The following CRTAM variants were observed in gnomAD, a reference collection of about 807,000 sequenced individuals.
CRTAM encodes cytotoxic and regulatory T-cell molecule.
A neutral mutation model predicts 50.0 loss-of-function variants in CRTAM; 44 were observed. That is an observed-to-expected ratio of 0.88 (90% CI 0.69 to 1.13). CRTAM has a LOEUF of 1.13. Among genes scored for constraint, CRTAM ranks in the 50% most tolerant of loss-of-function variants. The probability of loss-of-function intolerance (pLI) is 0.00; values close to 1 mark genes in which losing one functional copy is unlikely to be tolerated. For missense variants in CRTAM, 448 were observed against 457.5 expected (o/e 0.98, Z 0.19); for synonymous variants, 159 against 169.3 (o/e 0.94, Z 0.47).
At chr11:122,850,283 T>A in intron 2 of CRTAM, 69 bp downstream of exon 2, 1 of 1,468,366 alleles carries the variant, frequency 6.8e-7, no homozygotes, top group Non-Finnish European at 9.2e-7. Flanking sequence ...CCGGACAGTT[T>A]GGTGGGACAG....
At chr11:122,843,734 C>G (rs1350760463) in intron 1 of CRTAM, among the ~76,000 whole-genome samples, 5 of 152,180 alleles carry the variant, frequency 3.3e-5, no homozygotes, top group Admixed American at 6.5e-5. Flanking sequence ...AAAAGAAGTT[C>G]TAATTTGGTT....
intron 5 of CRTAM, among the ~76,000 whole-genome samples, chr11:122,857,409 C>T (rs1018549194): frequency 1.3e-5 from 2 of 152,238 alleles, no homozygotes; most frequent in African/African-American, 4.8e-5. Flanking sequence ...GCGGAGTTTA[C>T]AGTAAGCTGA....
At position 122,871,619 on chromosome 11, in the gene CRTAM, AT is replaced by A; in HGVS notation, c.*221del. The A allele has an allele frequency of 2.9e-6, 1 of 339,404 alleles. No individual in the cohort carries two copies. Among genetic ancestry groups the A allele is most frequent in the Non-Finnish European group, 5.3e-6 (1 of 189,294 alleles). 21.0% of individuals were successfully genotyped at this position (339,404 alleles called of 1,614,324 possible). On this transcript the variant is annotated 3_prime_UTR_variant, in exon 10 of 10. Coordinates refer to ENST00000227348, the MANE Select transcript of CRTAM (RefSeq NM_019604.4). ...TAGTTTAAAAAAGAAAAGCAAAAAAATAATTATGCCTGACACTACTTCAGAG... is the reference window on the plus strand; with the variant it reads ...TAGTTTAAAAAAGAAAAGCAAAAAAAAATTATGCCTGACACTACTTCAGAG...
chr11:122,871,369 G>T lies in CRTAM; in HGVS notation c.1152G>T (p.Lys384Asn). 6.2e-7 allele frequency: 1 copy of T among 1,613,782 alleles called. No homozygotes were observed. Residue 384 changes from lysine (K) to asparagine (N), a missense_variant, in exon 10 of 10, where the codon AAG (lysine) becomes AAT (asparagine). Lys to Asn is a moderately conservative substitution (Grantham distance 94). Transcript: ENST00000227348. ...TACAACATTCAAAATTAGAAGAAAAGCACATCCAAGTACCAGAGAGTATTG... is the reference window on the plus strand; with the variant it reads ...TACAACATTCAAAATTAGAAGAAAATCACATCCAAGTACCAGAGAGTATTG... The part of the protein sequence containing the change: ...ENVQHSKLEE[K>N]HIQVPESIV
At chr11:122,862,660 A>G (rs753550235) in intron 6 of CRTAM, 116 bp downstream of exon 6, 4 of 663,888 alleles carry the variant, frequency 6.0e-6, no homozygotes, top group Non-Finnish European at 7.7e-6. Flanking sequence ...CTAAGACCAT[A>G]CAGGCCCCTC....
intron 8 of CRTAM, 69 bp from the exon 9 acceptor site, chr11:122,867,944 T>A (rs1008897621): frequency 3.0e-5 from 28 of 931,488 alleles, no homozygotes; most frequent in Non-Finnish European, 4.2e-5. Flanking sequence ...AGGTATTATC[T>A]TATTCAAATA....
At chr11:122,863,312 A>C (rs1862117606) in intron 6 of CRTAM, among the ~76,000 whole-genome samples, 2 of 106,976 alleles carry the variant, frequency 1.9e-5, no homozygotes, top group South Asian at 6.2e-4. Flanking sequence ...GAAAGAAAAG[A>C]AAGAAAGAAA....
chr11:122,854,996 T>A (rs1389144375), intron 4 of CRTAM, among the ~76,000 whole-genome samples: 1 of 152,186 alleles, frequency 6.6e-6, no homozygotes, highest in Non-Finnish European at 1.5e-5. Flanking sequence ...TGTCTCCCAG[T>A]GCAGTGGCAC....
chr11:122,845,290 T>C (rs1861849951), intron 1 of CRTAM, among the ~76,000 whole-genome samples: 2 of 152,140 alleles, frequency 1.3e-5, no homozygotes, highest in South Asian at 2.1e-4. Context: ...GTTTGAGCAA[T>C]GTGAAGGTCT....
At chr11:122,869,402 C>G (rs1223479412) in intron 9 of CRTAM, among the ~76,000 whole-genome samples, 1 of 152,190 alleles carries the variant, frequency 6.6e-6, no homozygotes, top group African/African-American at 2.4e-5. Flanking sequence ...TGACTATAGG[C>G]TCAATTAATT....
chr11:122,846,487 C>A (rs1861864786), intron 1 of CRTAM, among the ~76,000 whole-genome samples: 1 of 151,636 alleles, frequency 6.6e-6, no homozygotes, highest in Non-Finnish European at 1.5e-5. Flanking sequence ...TTGTTCGAGA[C>A]CATGTTGGTC....
chr11:122,850,263 G>A (rs752074871), intron 2 of CRTAM, 49 bp downstream of exon 2: 1 of 1,527,192 alleles, frequency 6.5e-7, no homozygotes, highest in Admixed American at 1.9e-5. Context: ...TAACCTGAGG[G>A]TTTTTCCAGC....
At chr11:122,843,873 A>G (rs1861829005) in intron 1 of CRTAM, among the ~76,000 whole-genome samples, 1 of 152,198 alleles carries the variant, frequency 6.6e-6, no homozygotes, top group Non-Finnish European at 1.5e-5. Flanking sequence ...TAAGCACTAC[A>G]GTCTAAGCAA....
At chr11:122,860,949 G>A (rs752514159) in intron 5 of CRTAM, among the ~76,000 whole-genome samples, 6 of 152,002 alleles carry the variant, frequency 3.9e-5, no homozygotes, top group Admixed American at 2.0e-4. Context: ...TGCCTGCCTC[G>A]GCCCCCCACA....
At chr11:122,862,067 G>T (rs1862092253) in intron 5 of CRTAM, among the ~76,000 whole-genome samples, 1 of 152,156 alleles carries the variant, frequency 6.6e-6, no homozygotes, top group Non-Finnish European at 1.5e-5. Flanking sequence ...TTCAGGAGCA[G>T]GTAAATAGCA....
chr11:122,854,484 C>A (rs1170208834), intron 4 of CRTAM, among the ~76,000 whole-genome samples: 1 of 151,348 alleles, frequency 6.6e-6, no homozygotes, highest in Non-Finnish European at 1.5e-5. Flanking sequence ...ACCAGCCTGA[C>A]CAACATGGAG....
chr11:122,844,680 T>C (rs1861840995), intron 1 of CRTAM, among the ~76,000 whole-genome samples: 1 of 152,216 alleles, frequency 6.6e-6, no homozygotes, highest in Non-Finnish European at 1.5e-5. Flanking sequence ...ATATAAAACA[T>C]AGCCGTTGTC....
rs973809060 is a variant in CRTAM, at chr11:122,867,301, T to C, written c.818-108T>C. ...CTCTTTCTCATCTCTTCATCTGAGC[T>C]GTCTATTAGCTTATATCACATTGTA... is the stretch of plus-strand genomic sequence containing the variant. On this transcript the variant is annotated intron_variant, in intron 7 of 9. Transcript: ENST00000227348. 13 of 923,446 alleles carry C rather than the reference T, an allele frequency of 1.4e-5. No homozygotes were observed. In the Admixed American group the frequency reaches 2.2e-4, roughly 16 times the overall value. The allele number at this position is 923,446 out of a possible 1,614,324, so 57.2% of individuals were successfully genotyped here. A position where few individuals can be genotyped will look rare whatever the true frequency, so the allele number is the denominator to read the frequency against.
rs374249729 is a variant in CRTAM at position 122,856,342 on chromosome 11, G to A, written c.652+486G>A. On this transcript the variant is annotated intron_variant, in intron 5 of 9. Transcript: ENST00000227348. Reference sequence around the variant, plus strand: ...GCTTTGAAGATTTTAGTTTAACCATGTTAATATTCTGAGTTGAACACCATT... The same window carrying A: ...GCTTTGAAGATTTTAGTTTAACCATATTAATATTCTGAGTTGAACACCATT... 1.4e-4 allele frequency among the ~76,000 whole-genome samples: 22 copies of A among 152,326 alleles called. No homozygotes were observed. In the East Asian group the frequency reaches 4.2e-3, roughly 29 times the overall value.
Sources: allele counts gnomAD v4.1 joint callset (sites outside exome capture counted in the v4.1 genomes callset), GRCh38; gene constraint gnomAD v4.1.1; transcripts MANE v1.5; gene names NCBI Gene and HGNC (gene_info 2026-07-23, HGNC 2026-07-21).